Variants in PPP1R21 observed in about 807,000 individuals in gnomAD.
The protein encoded by PPP1R21 is KLRAQ motif containing 1.
A neutral mutation model predicts 112.8 loss-of-function variants in PPP1R21; 85 were observed. The observed-to-expected ratio is 0.75, with a 90% CI of 0.63 to 0.90. The LOEUF (loss-of-function observed/expected upper bound fraction) is 0.90. Among genes scored for constraint, PPP1R21 ranks in the 40% least tolerant of loss-of-function variants. The pLI is 0.00. For synonymous variants in PPP1R21, 381 were observed against 322.3 expected (o/e 1.18, Z -1.95); for missense variants, 1,199 against 901.5 (o/e 1.33, Z -4.23).
intron 9 of PPP1R21, among the ~76,000 whole-genome samples, chr2:48,466,003 C>T (rs1377126121): frequency 6.6e-6 from 1 of 151,954 alleles, no homozygotes; most frequent in Non-Finnish European, 1.5e-5. Flanking sequence ...TGGTGGCAGG[C>T]AAAAAGAGAG....
At chr2:48,475,740 G>C (rs1015729870) in intron 12 of PPP1R21, among the ~76,000 whole-genome samples, 1 of 151,852 alleles carries the variant, frequency 6.6e-6, no homozygotes, top group African/African-American at 2.4e-5. Context: ...CCAGCTACTC[G>C]GGAGGCTGAG....
intron 2 of PPP1R21, among the ~76,000 whole-genome samples, chr2:48,453,385 G>A (rs557258161): frequency 2.6e-5 from 4 of 152,028 alleles, no homozygotes; most frequent in African/African-American, 7.2e-5. Context: ...TAGAGATGAC[G>A]TCTCACTATG....
intron 16 of PPP1R21, among the ~76,000 whole-genome samples, chr2:48,496,451 A>G (rs1286457376): frequency 4.3e-5 from 6 of 140,820 alleles, no homozygotes; most frequent in Non-Finnish European, 9.1e-5. Flanking sequence ...TAAACAAGAC[A>G]GGGCTTATTG....
chr2:48,495,744 T>A lies in PPP1R21; in HGVS notation c.1665T>A (p.Thr555=), dbSNP rs1431795554. 6.8e-6 allele frequency: 11 copies of A among 1,610,162 alleles called. No individual in the cohort carries two copies. Among genetic ancestry groups the A allele is most frequent in the Non-Finnish European group, 8.5e-6 (10 of 1,176,458 alleles). The change falls in exon 16 of 22, where the codon ACT becomes ACA. Residue 555 remains threonine (T), a synonymous_variant. Coordinates refer to ENST00000294952, the MANE Select transcript of PPP1R21 (RefSeq NM_001135629.3). ...LANRRILLSS[T]ESREGLAQQV... ...ACCGCCGCATCCTTCTCAGCTCTAC[T>A]GAAAGTCGAGAAGGCCTTGCACAGC...
At chr2:48,459,418 T>G (rs1034374991) in intron 4 of PPP1R21, among the ~76,000 whole-genome samples, 1 of 152,216 alleles carries the variant, frequency 6.6e-6, no homozygotes, top group Admixed American at 6.5e-5. Context: ...TGCCAGACAT[T>G]GTTTAAAACA....
Position 48,440,832 on chromosome 2 carries a change from C to CGGCGGCTGCGGT in PPP1R21, c.-119_-118insGGCTGCGGTGGC, listed in dbSNP as rs1553333080. 2 of 697,252 alleles carry CGGCGGCTGCGGT rather than the reference C, an allele frequency of 2.9e-6. No homozygotes were observed. The highest frequency in any genetic ancestry group is 2.8e-5 in the Admixed American group (1 of 36,330). The allele number at this position is 697,252 out of a possible 1,614,324, so 43.2% of individuals were successfully genotyped here. A position where few individuals can be genotyped will look rare whatever the true frequency, so the allele number is the denominator to read the frequency against. On this transcript the variant is annotated 5_prime_UTR_variant, in exon 1 of 22. Transcript: ENST00000294952. ...GGAGGCGCGGCGGCGGCGGCGGCGG[C>CGGCGGCTGCGGT]GGCTGCGGTGGCCAAGCAGGCAGAT...
In PPP1R21 at chr2:48,460,048, C is replaced by G. The variant is rs202163289; in HGVS notation, c.541-47C>G. ...AGGGTCTTACTAAGTGTGCTCCTATCTGTCGTAGCCTGAGCCATCTGTGTT... is the reference window on the plus strand; with the variant it reads ...AGGGTCTTACTAAGTGTGCTCCTATGTGTCGTAGCCTGAGCCATCTGTGTT... On this transcript the variant is annotated intron_variant, in intron 5 of 21. Coordinates refer to ENST00000294952, the MANE Select transcript of PPP1R21 (RefSeq NM_001135629.3). 11 of 1,608,916 alleles carry G rather than the reference C, an allele frequency of 6.8e-6. No homozygotes were observed. In the South Asian group the frequency reaches 1.1e-4, roughly 16 times the overall value.
chr2:48,512,086 G>T (rs900627454), intron 21 of PPP1R21, among the ~76,000 whole-genome samples: 1 of 152,142 alleles, frequency 6.6e-6, no homozygotes, highest in Non-Finnish European at 1.5e-5. Flanking sequence ...GGAAAGGATT[G>T]CTCTTTGTTT....
At chr2:48,460,022 C>G in intron 5 of PPP1R21, 73 bp from the exon 6 acceptor site, 1 of 1,593,924 alleles carries the variant, frequency 6.3e-7, no homozygotes, top group South Asian at 1.1e-5. Flanking sequence ...CTTTTGCCTG[C>G]AGGGTCTTAC....
chr2:48,457,702 A>G (rs1167734448), intron 3 of PPP1R21, among the ~76,000 whole-genome samples: 1 of 152,314 alleles, frequency 6.6e-6, no homozygotes, highest in African/African-American at 2.4e-5. Context: ...CTGTTACAGA[A>G]TTTATTACAA....
At chr2:48,507,420 T>C (rs746535419) in intron 19 of PPP1R21, 35 bp downstream of exon 19, 41 of 1,586,478 alleles carry the variant, frequency 2.6e-5, no homozygotes, top group Middle Eastern at 1.7e-4. Flanking sequence ...GTGGTTTTTT[T>C]CCTAACCCCT....
intron 14 of PPP1R21, among the ~76,000 whole-genome samples, chr2:48,489,163 T>C (rs1178236915): frequency 1.3e-5 from 2 of 152,190 alleles, no homozygotes; most frequent in African/African-American, 2.4e-5. Context: ...TTTATCAAAA[T>C]ACAATATTCT....
In PPP1R21 at chr2:48,449,098, A is replaced by G. The variant is rs143804774; in HGVS notation, c.58-1910A>G. On this transcript the variant is annotated intron_variant, in intron 1 of 21. Coordinates refer to ENST00000294952, the MANE Select transcript of PPP1R21 (RefSeq NM_001135629.3). ...TATTTTATCTTCCCTTTTAAAGTGT[A>G]AGTTCTTTGAAAATAGAGAACATAT... Among the ~76,000 whole-genome samples the G allele has an allele frequency of 2.8e-3, 429 of 152,118 alleles. 3 individuals carry two copies. The highest frequency in any genetic ancestry group is 9.7e-3 in the African/African-American group (403 of 41,480).
In PPP1R21 at chr2:48,459,923, G is replaced by C; in HGVS notation, c.540+5G>C. 1 of 1,611,802 alleles carries C rather than the reference G, an allele frequency of 6.2e-7. No homozygotes were observed. The highest frequency in any genetic ancestry group is 8.5e-7 in the Non-Finnish European group (1 of 1,178,788). On this transcript the variant is annotated splice_donor_5th_base_variant and intron_variant, in intron 5 of 21. Coordinates refer to ENST00000294952, the MANE Select transcript of PPP1R21 (RefSeq NM_001135629.3). Reference sequence around the variant, plus strand: ...AACGACAAGGCTAAACTAGAAGTAAGCCCCATTGTGAGAGCACACTAAAAA... The same window carrying C: ...AACGACAAGGCTAAACTAGAAGTAACCCCCATTGTGAGAGCACACTAAAAA...
intron 15 of PPP1R21, among the ~76,000 whole-genome samples, chr2:48,493,971 C>T (rs958688919): frequency 4.0e-5 from 6 of 149,108 alleles, no homozygotes; most frequent in Non-Finnish European, 7.4e-5. Context: ...CCTGTAATCC[C>T]GACACTTTGG....
intron 21 of PPP1R21, among the ~76,000 whole-genome samples, chr2:48,512,235 T>A (rs1242610441): frequency 6.6e-6 from 1 of 152,206 alleles, no homozygotes. Context: ...CAGACTGAGA[T>A]AGTAGATGTT....
intron 12 of PPP1R21, among the ~76,000 whole-genome samples, chr2:48,476,665 T>C (rs1033406175): frequency 3.9e-5 from 6 of 152,240 alleles, no homozygotes; most frequent in Non-Finnish European, 7.3e-5. Flanking sequence ...TGGTATCTCA[T>C]TGTAGTTTTT....
At chr2:48,476,557 A>G (rs1336031549) in intron 12 of PPP1R21, among the ~76,000 whole-genome samples, 1 of 152,174 alleles carries the variant, frequency 6.6e-6, no homozygotes, top group African/African-American at 2.4e-5. Context: ...ACCATTTTAC[A>G]TTCCTACTAG....
At chr2:48,480,449 A>G (rs1296568217) in intron 13 of PPP1R21, among the ~76,000 whole-genome samples, 1 of 152,250 alleles carries the variant, frequency 6.6e-6, no homozygotes, top group African/African-American at 2.4e-5. Flanking sequence ...AATATTTTAA[A>G]TGCCTTTTAA....
Sources: gnomAD v4.1 joint callset for allele counts (sites outside exome capture counted in the v4.1 genomes callset) on GRCh38, gnomAD v4.1.1 for gene constraint, MANE v1.5 for transcripts, NCBI Gene and HGNC (gene_info 2026-07-23, HGNC 2026-07-21) for gene names.